The following THRB variants were observed in gnomAD, a reference collection of about 807,000 sequenced individuals.
THRB encodes thyroid hormone receptor beta.
THRB carries 12 observed loss-of-function variants against 47.8 expected under a neutral mutation model. The observed-to-expected ratio is 0.25, with a 90% CI of 0.16 to 0.41. The LOEUF (loss-of-function observed/expected upper bound fraction) is 0.41. THRB is among the 10% of genes least tolerant of loss of function. The pLI is 1.00. For missense variants in THRB, 348 were observed against 589.2 expected (o/e 0.59, Z 4.24); for synonymous variants, 218 against 212.2 (o/e 1.03, Z -0.24).
intron 2 of THRB, among the ~76,000 whole-genome samples, chr3:24,315,249 T>C (rs1326896176): frequency 1.3e-5 from 2 of 152,172 alleles, no homozygotes; most frequent in Non-Finnish European, 2.9e-5. Flanking sequence ...GGTTTGACAC[T>C]TACCCTGCTG....
At chr3:24,180,804 G>A (rs149794933) in intron 5 of THRB, among the ~76,000 whole-genome samples, 10 of 152,234 alleles carry the variant, frequency 6.6e-5, no homozygotes, top group African/African-American at 1.9e-4. Context: ...CAGGTGATAC[G>A]GTTCCCCCAT....
intron 3 of THRB, among the ~76,000 whole-genome samples, chr3:24,274,606 T>G (rs1052129121): frequency 6.6e-6 from 1 of 152,166 alleles, no homozygotes; most frequent in Non-Finnish European, 1.5e-5. Flanking sequence ...GTCTATTTCT[T>G]TTTTTAAATT....
chr3:24,347,947 G>A (rs2063126992), intron 1 of THRB, among the ~76,000 whole-genome samples: 2 of 152,152 alleles, frequency 1.3e-5, no homozygotes, highest in Non-Finnish European at 1.5e-5. Context: ...TATAGAAGAA[G>A]TGGGATCATG....
intron 3 of THRB, among the ~76,000 whole-genome samples, chr3:24,285,988 A>G (rs1465723671): frequency 1.3e-5 from 2 of 152,212 alleles, no homozygotes; most frequent in African/African-American, 4.8e-5. Flanking sequence ...TGGGACCTTC[A>G]TGATGGGATT....
intron 3 of THRB, among the ~76,000 whole-genome samples, chr3:24,277,630 C>T (rs1456867678): frequency 6.6e-6 from 1 of 152,088 alleles, no homozygotes; most frequent in Non-Finnish European, 1.5e-5. Flanking sequence ...TTCATCTATA[C>T]AAGATTTTGG....
intron 1 of THRB, among the ~76,000 whole-genome samples, chr3:24,491,870 C>G (rs1337566407): frequency 1.3e-5 from 2 of 152,220 alleles, no homozygotes; most frequent in Non-Finnish European, 2.9e-5. Flanking sequence ...GGTAACATGT[C>G]AGAAAAATTC....
At chr3:24,478,886 C>A (rs180987178) in intron 1 of THRB, among the ~76,000 whole-genome samples, 1 of 152,096 alleles carries the variant, frequency 6.6e-6, no homozygotes, top group Non-Finnish European at 1.5e-5. Context: ...GATGATTTTG[C>A]CCCCAAGAGG....
chr3:24,175,998 T>A (rs1354177040), intron 5 of THRB, among the ~76,000 whole-genome samples: 1 of 152,232 alleles, frequency 6.6e-6, no homozygotes, highest in Non-Finnish European at 1.5e-5. Flanking sequence ...ATTATTTTAT[T>A]GTTTTTGAAT....
At chr3:24,203,802 C>T (rs564912162) in intron 4 of THRB, among the ~76,000 whole-genome samples, 1 of 152,314 alleles carries the variant, frequency 6.6e-6, no homozygotes, top group Admixed American at 6.5e-5. Flanking sequence ...CAGATCACTC[C>T]CACCCTAATA....
At chr3:24,166,685 C>A (rs2039685120) in intron 5 of THRB, among the ~76,000 whole-genome samples, 1 of 152,128 alleles carries the variant, frequency 6.6e-6, no homozygotes, top group South Asian at 2.1e-4. Flanking sequence ...GGGATTCCTT[C>A]CGTTTCTTAG....
chr3:24,326,267 A>T (rs1277513125), intron 2 of THRB, among the ~76,000 whole-genome samples: 3 of 152,174 alleles, frequency 2.0e-5, no homozygotes, highest in African/African-American at 4.8e-5. Flanking sequence ...ATGAAGTCCC[A>T]TTCTGTTGCC....
At chr3:24,423,729 G>T (rs2069491791) in intron 1 of THRB, among the ~76,000 whole-genome samples, 1 of 151,624 alleles carries the variant, frequency 6.6e-6, no homozygotes, top group African/African-American at 2.4e-5. Flanking sequence ...CATGATTATG[G>T]GTAATTATGT....
chr3:24,392,993 T>C (rs939061072), intron 1 of THRB, among the ~76,000 whole-genome samples: 1 of 152,180 alleles, frequency 6.6e-6, no homozygotes, highest in Admixed American at 6.6e-5. Context: ...TTTCCCTTTT[T>C]CATGCTTACT....
intron 1 of THRB, among the ~76,000 whole-genome samples, chr3:24,371,187 C>G (rs1422898284): frequency 6.6e-6 from 1 of 152,094 alleles, no homozygotes; most frequent in African/African-American, 2.4e-5. Flanking sequence ...GACATCCAAA[C>G]TGACAAACTT....
intron 5 of THRB, among the ~76,000 whole-genome samples, chr3:24,179,343 T>C (rs1203210417): frequency 6.6e-6 from 1 of 152,240 alleles, no homozygotes; most frequent in African/African-American, 2.4e-5. Flanking sequence ...TTTTAGCAGG[T>C]ATTTAGAGTT....
chr3:24,367,847 C>T (rs1447911794), intron 1 of THRB, among the ~76,000 whole-genome samples: 2 of 152,098 alleles, frequency 1.3e-5, no homozygotes, highest in Non-Finnish European at 2.9e-5. Flanking sequence ...GTGAGAAATG[C>T]ATAAACTGTG....
chr3:24,230,299 G>A (rs558676186), intron 3 of THRB, among the ~76,000 whole-genome samples: 2 of 152,314 alleles, frequency 1.3e-5, no homozygotes, highest in African/African-American at 4.8e-5. Context: ...CTTTATGGCA[G>A]AGACTGCCTT....
At chr3:24,283,385 A>G (rs531110621) in intron 3 of THRB, among the ~76,000 whole-genome samples, 1 of 150,472 alleles carries the variant, frequency 6.6e-6, no homozygotes, top group Non-Finnish European at 1.5e-5. Flanking sequence ...ATTCAACAAC[A>G]CTTCATGCTA....
chr3:24,182,333 C>A (rs899669597), intron 5 of THRB, among the ~76,000 whole-genome samples: 1 of 152,176 alleles, frequency 6.6e-6, no homozygotes, highest in Non-Finnish European at 1.5e-5. Flanking sequence ...TTCCAGTGAT[C>A]ACCTACGATG....
Sources: gnomAD v4.1 joint callset for allele counts (sites outside exome capture counted in the v4.1 genomes callset) on GRCh38, gnomAD v4.1.1 for gene constraint, MANE v1.5 for transcripts, NCBI Gene and HGNC (gene_info 2026-07-23, HGNC 2026-07-21) for gene names.